The following SAMD4B variants were observed in gnomAD, a reference collection of about 807,000 sequenced individuals.
The protein encoded by SAMD4B is sterile alpha motif domain containing 4B.
A neutral mutation model predicts 74.5 loss-of-function variants in SAMD4B; 5 were observed. That is an observed-to-expected ratio of 0.07 (90% confidence interval 0.04 to 0.14). The LOEUF (loss-of-function observed/expected upper bound fraction) is 0.14, where lower values mean the gene tolerates loss of function less well. Ranked by LOEUF, SAMD4B falls within the 10% of genes least tolerant of loss-of-function variation. The probability of loss-of-function intolerance (pLI) is 1.00; values close to 1 mark genes in which losing one functional copy is unlikely to be tolerated. For missense variants in SAMD4B, 608 were observed against 921.8 expected (o/e 0.66, Z 4.41); for synonymous variants, 373 against 374.9 (o/e 1.00, Z 0.06).
intron 3 of SAMD4B, among the ~76,000 whole-genome samples, chr19:39,358,025 C>T (rs891473762): frequency 2.0e-5 from 3 of 152,140 alleles, no homozygotes; most frequent in Non-Finnish European, 4.4e-5. Context: ...AATCCCAGCA[C>T]TTTAGGAGGC....
chr19:39,342,951 C>T (rs907149088), intron 1 of SAMD4B, among the ~76,000 whole-genome samples: 10 of 151,728 alleles, frequency 6.6e-5, no homozygotes, highest in Admixed American at 4.6e-4. Flanking sequence ...ACCCACCCCT[C>T]CCGTGGAGTC....
intron 3 of SAMD4B, 45 bp from the exon 4 acceptor site, chr19:39,369,610 A>C (rs774769258): frequency 5.3e-6 from 8 of 1,506,430 alleles, no homozygotes; most frequent in African/African-American, 1.4e-5. Context: ...GAATAGGAGT[A>C]CCCCACCCTG....
intron 4 of SAMD4B, among the ~76,000 whole-genome samples, chr19:39,371,204 GCAAGA>G (rs2145704418): frequency 1.3e-5 from 2 of 152,350 alleles, no homozygotes; most frequent in South Asian, 4.1e-4. Flanking sequence ...CTGGTTTAAA[GCAAGA>G]CAAGAGAGAG....
intron 2 of SAMD4B, among the ~76,000 whole-genome samples, chr19:39,354,324 A>G (rs890840403): frequency 6.6e-6 from 1 of 152,218 alleles, no homozygotes; most frequent in Admixed American, 6.5e-5. Context: ...AAAGTCAGTT[A>G]TGCCATTCCC....
rs757368858 is a variant in SAMD4B, at chr19:39,380,597, G to A, written c.1660G>A (p.Gly554Ser). 4.3e-6 allele frequency: 7 copies of A among 1,614,146 alleles called. No homozygotes were observed. The Admixed American group carries it at 5.0e-5, about 12-fold the overall frequency. Residue 554 changes from glycine to serine, a missense_variant, in exon 11 of 14, where the codon GGC becomes AGC. Around this residue, in one of 9 missense-constraint regions of SAMD4B, gnomAD observed 167 missense variants for 193.0 expected, o/e 0.87. Transcript: ENST00000610417. ...NYRQQKGWAF[G>S]SNSLPIAGSV... ...TCTGCTCTCTCATAGCTGGGCATTC[G>A]GCTCCAACTCGCTCCCCATAGCTGG...
chr19:39,381,250 A>C, intron 12 of SAMD4B, 137 bp downstream of exon 12: 1 of 1,015,200 alleles, frequency 9.9e-7, no homozygotes, highest in South Asian at 1.9e-5. Context: ...CTCTGCACCC[A>C]TCTCCCCCAA....
rs775726756 is a variant in SAMD4B, at chr19:39,377,684, G to T, written c.1304G>T (p.Gly435Val). The T allele has an allele frequency of 1.2e-6, 2 of 1,614,086 alleles. No individual in the cohort carries two copies. The highest frequency in any genetic ancestry group is 2.7e-5 in the African/African-American group (2 of 74,944). ...PPLAHPGTDKGTEAKDPPAVE... is the reference protein window; with the variant it reads ...PPLAHPGTDKVTEAKDPPAVE... ...CTAGCCCACCCCGGCACAGACAAAG[G>T]CACCGAGGCCAAGGACCCTCCAGCT... The change falls in exon 8 of 14, where the codon GGC becomes GTC. Residue 435 changes from glycine to valine, a missense_variant. By Grantham distance (109) the Gly-to-Val change is moderately radical. Around this residue, in one of 9 missense-constraint regions of SAMD4B, gnomAD observed 99 missense variants for 112.1 expected, o/e 0.88. Coordinates refer to ENST00000610417, the MANE Select transcript of SAMD4B (RefSeq NM_001384574.2).
chr19:39,386,588 T>G (rs1433308655), downstream of SAMD4B: 5 of 1,613,548 alleles, frequency 3.1e-6, no homozygotes, highest in African/African-American at 6.7e-5. The surrounding 1 kb of genome is among the most constrained non-coding windows in gnomAD (Gnocchi z 6.1). Context: ...AGCAGCAAGA[T>G]TGGAATGAGG....
At chr19:39,371,193 A>G (rs1281942146) in intron 4 of SAMD4B, among the ~76,000 whole-genome samples, 2 of 152,216 alleles carry the variant, frequency 1.3e-5, no homozygotes, top group Non-Finnish European at 2.9e-5. Context: ...TTCAGCAGGC[A>G]CTGGTTTAAA....
chr19:39,374,974 A>T (rs922369726), intron 4 of SAMD4B, among the ~76,000 whole-genome samples: 2 of 152,218 alleles, frequency 1.3e-5, no homozygotes, highest in Non-Finnish European at 2.9e-5. Flanking sequence ...CAGTGACTTC[A>T]GATTAAGGGT....
intron 3 of SAMD4B, among the ~76,000 whole-genome samples, chr19:39,368,228 G>A (rs1035317835): frequency 5.9e-5 from 9 of 151,996 alleles, no homozygotes; most frequent in Non-Finnish European, 1.3e-4. Context: ...AAAAAGAAAA[G>A]GGAAACCTGG....
chr19:39,388,839 C>G (rs2078310152), downstream of SAMD4B: 2 of 1,614,068 alleles, frequency 1.2e-6, no homozygotes, highest in African/African-American at 2.7e-5. Flanking sequence ...AGTCAAAGAT[C>G]ACCTGAGCAC....
At chr19:39,362,765 G>A (rs1242944951) in intron 3 of SAMD4B, among the ~76,000 whole-genome samples, 1 of 152,072 alleles carries the variant, frequency 6.6e-6, no homozygotes, top group East Asian at 1.9e-4. Context: ...CTTCCTGGGA[G>A]ACATTTCCTG....
chr19:39,383,183 C>A lies in SAMD4B; in HGVS notation c.1973-25C>A, dbSNP rs550231188. 1.2e-4 allele frequency: 190 copies of A among 1,603,594 alleles called. No individual in the cohort carries two copies. The highest frequency in any genetic ancestry group is 1.6e-4 in the Non-Finnish European group (189 of 1,170,536). On this transcript the variant is annotated intron_variant, in intron 12 of 13. Transcript: ENST00000610417. The surrounding 1 kb of genome is among the most constrained non-coding windows in gnomAD (Gnocchi z 4.1). The stretch of plus-strand genomic sequence containing the variant: ...CCTGAGTCCAGTTGGTCCTTACCAC[C>A]CCCATTCTCCTCTCTCCCACCCAGA...
chr19:39,359,992 T>A (rs1403306269), intron 3 of SAMD4B: 2 of 152,144 alleles, frequency 1.3e-5, no homozygotes, highest in Non-Finnish European at 2.9e-5. Context: ...GAGACCATCC[T>A]GGCTAACACG....
chr19:39,348,469 A>G (rs1296250643), intron 1 of SAMD4B: 2 of 152,320 alleles, frequency 1.3e-5, no homozygotes, highest in African/African-American at 4.8e-5. Context: ...AGAGGTCAGC[A>G]GGTGCAAAAG....
chr19:39,385,134 C>T lies in SAMD4B; in HGVS notation c.*1607C>T, dbSNP rs932697628. On this transcript the variant is annotated 3_prime_UTR_variant, in exon 14 of 14. Transcript: ENST00000610417. ...GGGTGTCAGGTTTATTTATGTACCT[C>T]TTGCACACTCATCAACCTATGCAAG... The T allele has an allele frequency of 6.4e-6, 1 of 157,462 alleles. No homozygotes were observed. The highest frequency in any genetic ancestry group is 1.4e-5 in the Non-Finnish European group (1 of 71,674). The allele number at this position is 157,462 out of a possible 1,614,324, so 9.8% of individuals were successfully genotyped here. A position where few individuals can be genotyped will look rare whatever the true frequency, so the allele number is the denominator to read the frequency against.
At chr19:39,362,713 G>A (rs1406251739) in intron 3 of SAMD4B, among the ~76,000 whole-genome samples, 1 of 152,064 alleles carries the variant, frequency 6.6e-6, no homozygotes, top group Non-Finnish European at 1.5e-5. Flanking sequence ...AGACTAGGGG[G>A]GTCAGGGGAG....
chr19:39,383,199 C>G lies in SAMD4B; in HGVS notation c.1973-9C>G. 1 of 1,613,788 alleles carries G rather than the reference C, an allele frequency of 6.2e-7. No homozygotes were observed. The highest frequency in any genetic ancestry group is 1.1e-5 in the South Asian group (1 of 91,068). On this transcript the variant is annotated splice_polypyrimidine_tract_variant and intron_variant, in intron 12 of 13. Coordinates refer to ENST00000610417, the MANE Select transcript of SAMD4B (RefSeq NM_001384574.2). The surrounding 1 kb of genome is among the most constrained non-coding windows in gnomAD (Gnocchi z 4.1). Reference sequence around the variant, plus strand: ...CCTTACCACCCCCATTCTCCTCTCTCCCACCCAGACTGCCCGGTTCCTGGG... The same window carrying G: ...CCTTACCACCCCCATTCTCCTCTCTGCCACCCAGACTGCCCGGTTCCTGGG...
Sources: gnomAD v4.1 joint callset for allele counts (sites outside exome capture counted in the v4.1 genomes callset) on GRCh38, gnomAD v4.1.1 for gene constraint, gnomAD v4.1.1 regional missense constraint, Gnocchi (gnomAD v3.1) non-coding constraint, MANE v1.5 for transcripts, NCBI Gene and HGNC (gene_info 2026-07-23, HGNC 2026-07-21) for gene names.